Variants in EYA4 observed in about 807,000 individuals in gnomAD.
The protein encoded by EYA4 is protein phosphatase EYA4.
In EYA4, 31 loss-of-function variants were observed where a neutral mutation model predicts 87.9. The ratio of observed to expected loss-of-function variants is 0.35; its 90% CI spans 0.27 to 0.48. The LOEUF (loss-of-function observed/expected upper bound fraction) is 0.48, where lower values mean the gene tolerates loss of function less well. EYA4 is among the 20% of genes least tolerant of loss of function. The pLI is 0.99. For synonymous variants in EYA4, 263 were observed against 270.6 expected (o/e 0.97, Z 0.28); for missense variants, 678 against 761.4 (o/e 0.89, Z 1.29).
In EYA4 at chr6:133,529,566, A is replaced by G. The variant is rs1249034688; in HGVS notation, c.*761A>G. 2 of 984,408 alleles carry G rather than the reference A, an allele frequency of 2.0e-6. No individual in the cohort carries two copies. The highest frequency in any genetic ancestry group is 3.5e-5 in the African/African-American group (2 of 57,120). The allele number at this position is 984,408 out of a possible 1,614,324, so 61.0% of individuals were successfully genotyped here. On this transcript the variant is annotated 3_prime_UTR_variant, in exon 20 of 20. Coordinates refer to ENST00000355286, the MANE Select transcript of EYA4 (RefSeq NM_004100.5). ...AACCTTTGTGATGATTCTTAACATG[A>G]CCAAATTTAAAAGTCAAGCTCTCAG... is the stretch of plus-strand genomic sequence containing the variant.
chr6:133,452,592 T>G (rs1793556097), intron 5 of EYA4, among the ~76,000 whole-genome samples: 1 of 152,160 alleles, frequency 6.6e-6, no homozygotes, highest in African/African-American at 2.4e-5. Flanking sequence ...AATCTGTGAT[T>G]TAGTAGCCAT....
Position 133,483,981 on chromosome 6 carries a change from C to T in EYA4, c.1191+866C>T, listed in dbSNP as rs1235864007. On this transcript the variant is annotated intron_variant, in intron 13 of 19. Coordinates refer to ENST00000355286, the MANE Select transcript of EYA4 (RefSeq NM_004100.5). Reference sequence around the variant, plus strand: ...TCAAGTGATCTGCCTGCCCCTCGGCCTCCAAAGTGCTGGGATTACAGGCGT... The same window carrying T: ...TCAAGTGATCTGCCTGCCCCTCGGCTTCCAAAGTGCTGGGATTACAGGCGT... Among the ~76,000 whole-genome samples the T allele has an allele frequency of 4.6e-5, 7 of 152,200 alleles. No individual in the cohort carries two copies. The East Asian group carries it at 9.7e-4, about 21-fold the overall frequency.
chr6:133,379,673 G>A (rs1786007790), intron 2 of EYA4, among the ~76,000 whole-genome samples: 1 of 152,088 alleles, frequency 6.6e-6, no homozygotes, highest in African/African-American at 2.4e-5. Context: ...CTCCTGTCTT[G>A]AGTCTTCACC....
chr6:133,269,454 A>G (rs1168451770), intron 1 of EYA4, among the ~76,000 whole-genome samples: 1 of 152,090 alleles, frequency 6.6e-6, no homozygotes, highest in Non-Finnish European at 1.5e-5. Flanking sequence ...CATTATATAC[A>G]TGTGTTATTA....
At chr6:133,508,952 A>T (rs1359703589) in intron 14 of EYA4, among the ~76,000 whole-genome samples, 1 of 152,156 alleles carries the variant, frequency 6.6e-6, no homozygotes, top group African/African-American at 2.4e-5. Context: ...CAAACCCTAG[A>T]ACTTAGCTAT....
chr6:133,365,004 C>G (rs211627), intron 2 of EYA4, among the ~76,000 whole-genome samples: 103,897 of 152,050 alleles, frequency 0.68, 37,255 homozygotes, highest in Non-Finnish European at 0.8. Context: ...GGATATCATC[C>G]TGACCATTTC....
intron 3 of EYA4, among the ~76,000 whole-genome samples, chr6:133,408,120 A>C (rs1788886307): frequency 6.6e-6 from 1 of 152,200 alleles, no homozygotes; most frequent in South Asian, 2.1e-4. Context: ...AAAAGTATTT[A>C]CTACTAAAAA....
chr6:133,499,647 T>C (rs1437903656), intron 13 of EYA4, among the ~76,000 whole-genome samples: 1 of 152,150 alleles, frequency 6.6e-6, no homozygotes, highest in Non-Finnish European at 1.5e-5. Flanking sequence ...TGTGCTAGCT[T>C]TTCACCTTTA....
At chr6:133,377,573 T>A (rs2128472820) in intron 2 of EYA4, among the ~76,000 whole-genome samples, 1 of 151,514 alleles carries the variant, frequency 6.6e-6, no homozygotes, top group East Asian at 1.9e-4. Context: ...AGTTTTTTTT[T>A]TTTTTTTTTT....
intron 3 of EYA4, among the ~76,000 whole-genome samples, chr6:133,415,795 C>G (rs1241063021): frequency 6.6e-6 from 1 of 152,110 alleles, no homozygotes; most frequent in African/African-American, 2.4e-5. Flanking sequence ...TGTCCAAGGT[C>G]CTGTGCCAGA....
intron 3 of EYA4, among the ~76,000 whole-genome samples, chr6:133,391,358 T>G (rs545656109): frequency 6.6e-6 from 1 of 152,014 alleles, no homozygotes; most frequent in Non-Finnish European, 1.5e-5. Context: ...GCCTCCTGAG[T>G]AGCTGGGATT....
At chr6:133,515,116 A>C (rs917877320) in intron 16 of EYA4, among the ~76,000 whole-genome samples, 1 of 152,238 alleles carries the variant, frequency 6.6e-6, no homozygotes, top group African/African-American at 2.4e-5. Flanking sequence ...CCTGAGACCT[A>C]GAAGTTCAGT....
chr6:133,242,665 A>T (rs1057336301), intron 1 of EYA4, among the ~76,000 whole-genome samples: 10 of 152,060 alleles, frequency 6.6e-5, no homozygotes, highest in African/African-American at 2.2e-4. Context: ...GTAGCACTTG[A>T]AAGAGTTTTC....
intron 3 of EYA4, among the ~76,000 whole-genome samples, chr6:133,426,268 A>G (rs1265335208): frequency 2.6e-5 from 4 of 152,198 alleles, no homozygotes; most frequent in African/African-American, 9.7e-5. Flanking sequence ...AAGAGCAGTT[A>G]CCTAATAGGT....
At chr6:133,281,411 A>G (rs1283031301) in intron 2 of EYA4, among the ~76,000 whole-genome samples, 1 of 152,074 alleles carries the variant, frequency 6.6e-6, no homozygotes, top group African/African-American at 2.4e-5. Flanking sequence ...CTATGATTTC[A>G]TTTCTCTATG....
chr6:133,414,770 T>TTTA (rs760804197), intron 3 of EYA4, among the ~76,000 whole-genome samples: 2 of 152,220 alleles, frequency 1.3e-5, no homozygotes, highest in Admixed American at 1.3e-4. Context: ...CTGTATTTTA[T>TTTA]TTAGTTCTTT....
intron 2 of EYA4, among the ~76,000 whole-genome samples, chr6:133,286,938 T>C (rs1700595465): frequency 6.6e-6 from 1 of 152,188 alleles, no homozygotes; most frequent in African/African-American, 2.4e-5. Flanking sequence ...TTGTGTTATT[T>C]AGCAGCATCT....
At chr6:133,512,133 A>G (rs1799206272) in intron 14 of EYA4, among the ~76,000 whole-genome samples, 1 of 152,206 alleles carries the variant, frequency 6.6e-6, no homozygotes, top group South Asian at 2.1e-4. Flanking sequence ...AACTTGACAA[A>G]AAGAAAATGT....
At chr6:133,273,286 G>C (rs999960880) in intron 1 of EYA4, among the ~76,000 whole-genome samples, 2 of 152,072 alleles carry the variant, frequency 1.3e-5, no homozygotes, top group Admixed American at 1.3e-4. Context: ...AGGCTGGGAA[G>C]CTAGGCCCGT....
Sources: gnomAD v4.1 joint callset for allele counts (sites outside exome capture counted in the v4.1 genomes callset) on GRCh38, gnomAD v4.1.1 for gene constraint, MANE v1.5 for transcripts, NCBI Gene and HGNC (gene_info 2026-07-23, HGNC 2026-07-21) for gene names.